Variants in BPIFA3 observed in about 807,000 individuals in gnomAD.
BPIFA3 encodes BPI fold-containing family A member 3.
BPIFA3 carries 32 observed loss-of-function variants against 29.7 expected under a neutral mutation model. The observed-to-expected ratio is 1.08, with a 90% CI of 0.81 to 1.45. The LOEUF is 1.45. Among genes scored for constraint, BPIFA3 ranks in the 40% most tolerant of loss-of-function variants. BPIFA3 has a pLI of 0.00. For missense variants in BPIFA3, 323 were observed against 311.3 expected, an observed-to-expected ratio of 1.04 and a Z score of -0.28; for synonymous variants, 112 against 113.7, an observed-to-expected ratio of 0.98 and a Z score of 0.10.
At position 33,224,503 on chromosome 20, in the gene BPIFA3, C is replaced by G. The variant is rs1007470; in HGVS notation, c.386+41C>G. ...GCAGAATCTGAGAGGTGCTGGCCCT[C>G]CTCGCAGGGAACCTGGGAAATTCAG... On this transcript the variant is annotated intron_variant, in intron 3 of 6. Transcript: ENST00000375454. 17,985 of 1,485,192 alleles carry G rather than the reference C, an allele frequency of 0.012. 1,860 individuals carry two copies. In the African/African-American group the frequency reaches 0.22, roughly 18 times the overall value. The allele number at this position is 1,485,192 out of a possible 1,614,324, so 92.0% of individuals were successfully genotyped here.
intron 1 of BPIFA3, 96 bp from the exon 2 acceptor site, chr20:33,223,715 G>A: frequency 7.1e-7 from 1 of 1,399,888 alleles, no homozygotes; most frequent in Non-Finnish European, 9.8e-7. Context: ...TAAGCAATCA[G>A]ATCTTGCACC....
chr20:33,218,617 T>C (rs1985369677), intron 1 of BPIFA3, among the ~76,000 whole-genome samples: 1 of 152,160 alleles, frequency 6.6e-6, no homozygotes, highest in Non-Finnish European at 1.5e-5. Context: ...ATACAGCCTT[T>C]TCTCTGTGCA....
At chr20:33,220,896 C>T (rs1451572917) in intron 1 of BPIFA3, among the ~76,000 whole-genome samples, 6 of 152,098 alleles carry the variant, frequency 3.9e-5, no homozygotes, top group African/African-American at 1.4e-4. Flanking sequence ...TCCAGAATTC[C>T]CCTACAAGTA....
At chr20:33,217,743 C>G in intron 1 of BPIFA3, 80 bp downstream of exon 1, 1 of 1,495,258 alleles carries the variant, frequency 6.7e-7, no homozygotes, top group Non-Finnish European at 8.9e-7. Context: ...CACTGCTAAC[C>G]CGCTGGGTGA....
At chr20:33,219,226 C>T (rs1184366440) in intron 1 of BPIFA3, among the ~76,000 whole-genome samples, 1 of 152,074 alleles carries the variant, frequency 6.6e-6, no homozygotes, top group East Asian at 1.9e-4. Flanking sequence ...TCTTTGAATT[C>T]CCTGTTCTTA....
chr20:33,220,148 C>CA (rs1200539126), intron 1 of BPIFA3, among the ~76,000 whole-genome samples: 1 of 150,208 alleles, frequency 6.7e-6, no homozygotes, highest in East Asian at 2.0e-4. Context: ...CCTGTAATCC[C>CA]AGCACTTTGA....
chr20:33,226,011 G>A (rs1985762111), intron 4 of BPIFA3: 1 of 194,866 alleles, frequency 5.1e-6, no homozygotes, highest in Non-Finnish European at 1.0e-5. Flanking sequence ...TCAACTGACT[G>A]TAAGTCCCTT....
intron 5 of BPIFA3, 32 bp from the exon 6 acceptor site, chr20:33,226,898 G>T (rs374153892): frequency 1.9e-6 from 3 of 1,613,838 alleles, no homozygotes; most frequent in South Asian, 1.1e-5. Context: ...CCAGCCCCTG[G>T]CCTGATCCTT....
Position 33,217,507 on chromosome 20 carries a change from C to T in BPIFA3, c.-30C>T, listed in dbSNP as rs1403296569. 1.2e-6 allele frequency: 2 copies of T among 1,609,522 alleles called. No individual in the cohort carries two copies. Among genetic ancestry groups the T allele is most frequent in the East Asian group, 2.2e-5 (1 of 44,814 alleles). On this transcript the variant is annotated 5_prime_UTR_variant, in exon 1 of 7. Transcript: ENST00000375454. ...AGCCGTCTGCCCAGGCCCCATCTGA[C>T]ACTCTTGACATCTGCAGGTCCCAGA... is the stretch of plus-strand genomic sequence containing the variant.
chr20:33,221,346 A>AG (rs1481753360), intron 1 of BPIFA3, among the ~76,000 whole-genome samples: 1 of 152,094 alleles, frequency 6.6e-6, no homozygotes, highest in East Asian at 1.9e-4. Context: ...TAGTAGAGAC[A>AG]GGGTTTCACC....
At chr20:33,222,128 T>C (rs1985540759) in intron 1 of BPIFA3, among the ~76,000 whole-genome samples, 1 of 152,200 alleles carries the variant, frequency 6.6e-6, no homozygotes, top group Non-Finnish European at 1.5e-5. Flanking sequence ...AAGTTGTCAT[T>C]TTACATAACT....
chr20:33,225,406 A>G, intron 4 of BPIFA3, 159 bp downstream of exon 4: 1 of 1,001,900 alleles, frequency 1.0e-6, no homozygotes, highest in Non-Finnish European at 1.4e-6. Flanking sequence ...TGATGACCCT[A>G]CCACCCTCCC....
intron 1 of BPIFA3, among the ~76,000 whole-genome samples, chr20:33,220,243 A>AAGAAATT (rs1453172352): frequency 2.6e-5 from 4 of 151,786 alleles, no homozygotes; most frequent in African/African-American, 7.3e-5. Flanking sequence ...CTAAAAATAC[A>AAGAAATT]AGAAATTAGC....
At chr20:33,227,442 T>A in intron 6 of BPIFA3, 96 bp from the exon 7 acceptor site, 1 of 1,044,790 alleles carries the variant, frequency 9.6e-7, no homozygotes, top group Non-Finnish European at 1.5e-6. Context: ...TCCCGGCACC[T>A]GCCTTTGGTC....
Position 33,217,376 on chromosome 20 carries a change from C to T in BPIFA3, c.-161C>T, listed in dbSNP as rs566123975. 299 of 866,220 alleles carry T rather than the reference C, an allele frequency of 3.5e-4. 1 individual carries two copies. The East Asian group carries it at 7.8e-3, about 23-fold the overall frequency. 53.7% of individuals were successfully genotyped at this position (866,220 alleles called of 1,614,324 possible). ...CAATGTGAGCAAGCCCTGGTGGCAG[C>T]GCCAGGGTCCAGTGCAGCCCCTCCC... On this transcript the variant is annotated 5_prime_UTR_variant, in exon 1 of 7. Coordinates refer to ENST00000375454, the MANE Select transcript of BPIFA3 (RefSeq NM_178466.5).
chr20:33,219,136 C>T lies in BPIFA3; in HGVS notation c.127+1473C>T, dbSNP rs527782642. On this transcript the variant is annotated intron_variant, in intron 1 of 6. Coordinates refer to ENST00000375454, the MANE Select transcript of BPIFA3 (RefSeq NM_178466.5). ...GGCCAGGCGGTCTCGAACCCCTGAC[C>T]TCAAGTGATCTACCCACCTCGGCCT... Among the ~76,000 whole-genome samples, 77 of 152,272 alleles carry T rather than the reference C, an allele frequency of 5.1e-4. No individual in the cohort carries two copies. In the South Asian group the frequency reaches 6.6e-3, roughly 13 times the overall value.
Position 33,226,417 on chromosome 20 carries a change from C to G in BPIFA3, c.548C>G (p.Pro183Arg). The stretch of plus-strand genomic sequence containing the variant: ...ACCTTTCTTTCTAGGGCTATCCCAC[C>G]AAAGATGAATCAGTTTCTCTACAAC... Reference protein sequence around the residue: ...HVAILTEAIPPKMNQFLYNLK... With the variant: ...HVAILTEAIPRKMNQFLYNLK... The change falls in exon 5 of 7, where the codon CCA (proline) becomes CGA (arginine). Residue 183 changes from proline to arginine, a missense_variant. Physicochemically the swap from Pro to Arg is moderately radical, Grantham distance 103. Transcript: ENST00000375454. 1 of 1,611,924 alleles carries G rather than the reference C, an allele frequency of 6.2e-7. No homozygotes were observed. The highest frequency in any genetic ancestry group is 8.5e-7 in the Non-Finnish European group (1 of 1,178,448).
rs147632261 is a variant in BPIFA3, at chr20:33,225,143, C to T, written c.432C>T (p.Ile144=). The change falls in exon 4 of 7, where the codon ATC becomes ATT. Residue 144 remains isoleucine (I), a synonymous_variant. Coordinates refer to ENST00000375454, the MANE Select transcript of BPIFA3 (RefSeq NM_178466.5). ...NIVKMCAHMS[I]VVEFWLEKDE... ...TAAAGATGTGTGCACATATGAGCAT[C>T]GTTGTGGAGTTCTGGCTGGAGAAAG... 1.4e-3 allele frequency: 2,225 copies of T among 1,614,136 alleles called. 14 individuals carry two copies. In the Middle Eastern group the frequency reaches 0.027, roughly 19 times the overall value.
Position 33,227,708 on chromosome 20 carries a change from C to T in BPIFA3, c.*91C>T. 3 of 1,066,492 alleles carry T rather than the reference C, an allele frequency of 2.8e-6. No individual in the cohort carries two copies. The highest frequency in any genetic ancestry group is 4.3e-6 in the Non-Finnish European group (3 of 704,304). 66.1% of individuals were successfully genotyped at this position (1,066,492 alleles called of 1,614,324 possible). A position where few individuals can be genotyped will look rare whatever the true frequency, so the allele number is the denominator to read the frequency against. On this transcript the variant is annotated 3_prime_UTR_variant, in exon 7 of 7. Coordinates refer to ENST00000375454, the MANE Select transcript of BPIFA3 (RefSeq NM_178466.5). ...GCTACCCTAAAAACTTTACCCCAGG[C>T]TCTGTGGACATACCATCCTCTCCTA...
Sources: gnomAD v4.1 joint callset for allele counts (sites outside exome capture counted in the v4.1 genomes callset) on GRCh38, gnomAD v4.1.1 for gene constraint, MANE v1.5 for transcripts, NCBI Gene and HGNC (gene_info 2026-07-23, HGNC 2026-07-21) for gene names.